The following ITSN2 variants were observed in gnomAD, a reference collection of about 807,000 sequenced individuals.
ITSN2 encodes intersectin 2.
A neutral mutation model predicts 243.7 loss-of-function variants in ITSN2; 156 were observed. The observed-to-expected ratio is 0.64, with a 90% CI of 0.56 to 0.73. The LOEUF is 0.73. Among genes scored for constraint, ITSN2 ranks in the 30% least tolerant of loss-of-function variants. ITSN2 has a pLI of 0.00. For missense variants in ITSN2, 1,801 were observed against 1,996.1 expected, an observed-to-expected ratio of 0.90 and a Z score of 1.86; for synonymous variants, 703 against 699.9, an observed-to-expected ratio of 1.00 and a Z score of -0.07.
chr2:24,323,913 G>A (rs1684863479), intron 2 of ITSN2, among the ~76,000 whole-genome samples: 1 of 152,152 alleles, frequency 6.6e-6, no homozygotes, highest in African/African-American at 2.4e-5. Flanking sequence ...ACTATTTTAA[G>A]TCTGAAGAGT....
intron 32 of ITSN2, among the ~76,000 whole-genome samples, chr2:24,213,055 A>C (rs1431969814): frequency 6.6e-6 from 1 of 152,094 alleles, no homozygotes; most frequent in African/African-American, 2.4e-5. Context: ...CACAGTAGGA[A>C]TATCTCAGCT....
intron 1 of ITSN2, among the ~76,000 whole-genome samples, chr2:24,352,834 T>G (rs767514303): frequency 6.6e-6 from 1 of 152,180 alleles, no homozygotes; most frequent in Non-Finnish European, 1.5e-5. Context: ...TACCTAAGAA[T>G]AGCTTGTGAC....
chr2:24,314,991 ATTTC>A (rs1384296436), intron 3 of ITSN2, 137 bp downstream of exon 3: 12 of 443,244 alleles, frequency 2.7e-5, no homozygotes, highest in African/African-American at 2.4e-4. Context: ...TAAAGTTAGC[ATTTC>A]TTTAATTTCT....
chr2:24,302,123 C>A (rs779776045), intron 9 of ITSN2, 21 bp from the exon 10 acceptor site: 1 of 1,575,572 alleles, frequency 6.3e-7, no homozygotes, highest in Non-Finnish European at 8.6e-7. Flanking sequence ...TGTTAAAATT[C>A]ACAACTTAAT....
chr2:24,245,585 T>C (rs1234391008), intron 29 of ITSN2, among the ~76,000 whole-genome samples: 1 of 151,814 alleles, frequency 6.6e-6, no homozygotes, highest in Admixed American at 6.6e-5. Flanking sequence ...GTTCAAGAGA[T>C]CTCCCACCTC....
chr2:24,315,272 A>G lies in ITSN2; in HGVS notation c.32-48T>C, dbSNP rs1444366216. 3 of 994,626 alleles carry G rather than the reference A, an allele frequency of 3.0e-6. No homozygotes were observed. In the African/African-American group the frequency reaches 4.9e-5, roughly 16 times the overall value. 61.6% of individuals were successfully genotyped at this position (994,626 alleles called of 1,614,324 possible). ...TATAGTGTATACATGAGAATGCTTA[A>G]AATACAATTCTAAAATGTAAATAGA... On this transcript the variant is annotated intron_variant, in intron 2 of 39. Coordinates refer to ENST00000355123, the MANE Select transcript of ITSN2 (RefSeq NM_006277.3).
At chr2:24,223,873 AAAAAAAGAAAG>A (rs1412498300) in intron 29 of ITSN2, among the ~76,000 whole-genome samples, 2 of 8,414 alleles carry the variant, frequency 2.4e-4, no homozygotes, top group African/African-American at 2.1e-3. Flanking sequence ...GAAAGAAAGA[AAAAAAAGAAAG>A]AAGAAAAATA....
intron 14 of ITSN2, among the ~76,000 whole-genome samples, chr2:24,295,405 C>T (rs1680820924): frequency 6.6e-6 from 1 of 152,214 alleles, no homozygotes; most frequent in African/African-American, 2.4e-5. Flanking sequence ...CTCCCGGAAT[C>T]AAGCGATTCT....
chr2:24,299,078 G>A (rs1161486432), intron 12 of ITSN2, among the ~76,000 whole-genome samples: 1 of 143,186 alleles, frequency 7.0e-6, no homozygotes, highest in Admixed American at 7.1e-5. Context: ...CACCCAGGCT[G>A]GAGTGCAGTG....
chr2:24,360,652 C>T (rs1033966465), upstream of ITSN2: 4 of 152,416 alleles, frequency 2.6e-5, no homozygotes, highest in Non-Finnish European at 5.9e-5. Context: ...CGTGGCTCCT[C>T]GCCCCAGGAG....
intron 15 of ITSN2, among the ~76,000 whole-genome samples, chr2:24,287,925 A>G (rs2151571889): frequency 6.6e-6 from 1 of 152,180 alleles, no homozygotes; most frequent in East Asian, 1.9e-4. Context: ...TATTCCTTGT[A>G]TTTTGGATAT....
chr2:24,247,517 C>G (rs1296711787), intron 27 of ITSN2, among the ~76,000 whole-genome samples: 4 of 151,976 alleles, frequency 2.6e-5, no homozygotes, highest in African/African-American at 9.7e-5. Context: ...TCTTGAAGAC[C>G]CCCAAATTTG....
intron 1 of ITSN2, among the ~76,000 whole-genome samples, chr2:24,358,654 A>AT (rs907294753): frequency 5.9e-5 from 9 of 152,300 alleles, no homozygotes; most frequent in Admixed American, 2.0e-4. Flanking sequence ...AGGTTAAAGG[A>AT]TTTTTTAAAA....
intron 22 of ITSN2, among the ~76,000 whole-genome samples, chr2:24,260,624 T>A (rs1243948879): frequency 6.6e-6 from 1 of 152,130 alleles, no homozygotes; most frequent in Non-Finnish European, 1.5e-5. Flanking sequence ...TTGAGAAACC[T>A]AGGCCGGGCG....
At chr2:24,315,288 T>C (rs1424501903) in intron 2 of ITSN2, 64 bp from the exon 3 acceptor site, 18 of 900,154 alleles carry the variant, frequency 2.0e-5, no homozygotes, top group Non-Finnish European at 2.7e-5. Flanking sequence ...AATTCTAAAA[T>C]GTAAATAGAA....
At chr2:24,310,984 T>A (rs1225942197) in intron 5 of ITSN2, among the ~76,000 whole-genome samples, 1 of 152,092 alleles carries the variant, frequency 6.6e-6, no homozygotes, top group Non-Finnish European at 1.5e-5. Context: ...ATGAGTCTCC[T>A]CAAGGAAAGA....
rs1277895057 is a variant in ITSN2 at position 24,325,161 on chromosome 2, G to C, written c.31+2891C>G. On this transcript the variant is annotated intron_variant, in intron 2 of 39. Transcript: ENST00000355123. ...GTGATGGCTCATGCCTGTAATCCAA[G>C]CACTTTGGGAGGCTAAGGTGGAGGA... Among the ~76,000 whole-genome samples the C allele has an allele frequency of 1.3e-5, 2 of 152,050 alleles. 1 individual carries two copies. The highest frequency in any genetic ancestry group is 4.8e-5 in the African/African-American group (2 of 41,350).
chr2:24,218,874 C>T (rs546556176), intron 30 of ITSN2, among the ~76,000 whole-genome samples: 3 of 152,180 alleles, frequency 2.0e-5, no homozygotes, highest in Non-Finnish European at 4.4e-5. Context: ...TCTCATATGT[C>T]ATCTTTCCAA....
At position 24,203,598 on chromosome 2, in the gene ITSN2, G is replaced by C; in HGVS notation, c.*28C>G. On this transcript the variant is annotated 3_prime_UTR_variant, in exon 40 of 40. Transcript: ENST00000355123. ...TTCTCCAGCCCCAGCCTTGTGGGCT[G>C]TCCCGCTGGTGCTGTCCTTTAGAAC... is the stretch of plus-strand genomic sequence containing the variant. 3 of 1,602,850 alleles carry C rather than the reference G, an allele frequency of 1.9e-6. No individual in the cohort carries two copies. The highest frequency in any genetic ancestry group is 2.6e-6 in the Non-Finnish European group (3 of 1,173,652).
Sources: gnomAD v4.1 joint callset for allele counts (sites outside exome capture counted in the v4.1 genomes callset) on GRCh38, gnomAD v4.1.1 for gene constraint, MANE v1.5 for transcripts, NCBI Gene and HGNC (gene_info 2026-07-23, HGNC 2026-07-21) for gene names.